SOCS7: variants seen among roughly 807,000 people sequenced by gnomAD.
SOCS7 encodes suppressor of cytokine signaling 7.
Under a neutral mutation model 58.9 loss-of-function variants are expected in SOCS7, and 18 were observed. That is an observed-to-expected ratio of 0.31 (90% CI 0.21 to 0.45). SOCS7 has a LOEUF of 0.45. SOCS7 is among the 20% of genes least tolerant of loss of function. The pLI is 1.00. For missense variants in SOCS7, 667 were observed against 837.3 expected, an observed-to-expected ratio of 0.80 and a Z score of 2.51; for synonymous variants, 388 against 364.3, an observed-to-expected ratio of 1.06 and a Z score of -0.74.
chr17:38,395,867 C>T lies in SOCS7; in HGVS notation c.1837C>T (p.Arg613Ter), dbSNP rs2038238289. Residue 613 changes from arginine (R) to a stop codon, truncating the protein, a stop_gained, in exon 9 of 10, where the codon CGA becomes TGA. Transcript: ENST00000612932. LOFTEE classifies it high-confidence loss of function. ...TCACAGACCTCTGATCTCTTATATC[C>T]GAAAGTTCTACTACTATGATCCTCA... ...PLPKPLISYI[R>*]KFYYYDPQEE... 1 of 1,610,906 alleles carries T rather than the reference C, an allele frequency of 6.2e-7. No individual in the cohort carries two copies.
In SOCS7 at chr17:38,356,004, C is replaced by T. The variant is rs1004682650; in HGVS notation, c.980+2972C>T. On this transcript the variant is annotated intron_variant, in intron 1 of 9. Coordinates refer to ENST00000612932, the MANE Select transcript of SOCS7 (RefSeq NM_014598.4). ...GTTCAAGCGATTCTTCTGCTTCAGC[C>T]TCCCCAGTAGCTGGGATTACAGGGG... Among the ~76,000 whole-genome samples the T allele has an allele frequency of 3.3e-5, 5 of 152,106 alleles. No homozygotes were observed. In the South Asian group the frequency reaches 1.0e-3, roughly 32 times the overall value.
At chr17:38,384,804 G>T (rs2038046918) in intron 7 of SOCS7, among the ~76,000 whole-genome samples, 2 of 150,990 alleles carry the variant, frequency 1.3e-5, no homozygotes, top group African/African-American at 4.9e-5. Flanking sequence ...TGTTGGTCAG[G>T]CTTGTCTTGA....
At chr17:38,353,280 T>C (rs1224040616) in intron 1 of SOCS7, among the ~76,000 whole-genome samples, 1 of 152,190 alleles carries the variant, frequency 6.6e-6, no homozygotes. Context: ...GAAGATGGTT[T>C]CAGACCATCC....
chr17:38,394,259 G>A (rs1163298644), intron 7 of SOCS7, among the ~76,000 whole-genome samples: 1 of 152,178 alleles, frequency 6.6e-6, no homozygotes, highest in Admixed American at 6.5e-5. Flanking sequence ...TCAGCAGGCG[G>A]GTTTGCACTG....
At chr17:38,388,864 A>T (rs2038115099) in intron 7 of SOCS7, among the ~76,000 whole-genome samples, 1 of 152,178 alleles carries the variant, frequency 6.6e-6, no homozygotes, top group African/African-American at 2.4e-5. Flanking sequence ...TCCACTCTGG[A>T]TGTACCACAT....
chr17:38,369,943 C>T (rs1325030511), intron 6 of SOCS7, among the ~76,000 whole-genome samples: 1 of 152,108 alleles, frequency 6.6e-6, no homozygotes, highest in Non-Finnish European at 1.5e-5. Flanking sequence ...GTGCCCGCCA[C>T]TATGCCCAGC....
chr17:38,352,981 C>CGAGCCT lies in SOCS7; in HGVS notation c.932_937dup (p.Ser311_Leu312dup). 6.2e-7 allele frequency: 1 copy of CGAGCCT among 1,606,100 alleles called. No individual in the cohort carries two copies. Among genetic ancestry groups the CGAGCCT allele is most frequent in the Non-Finnish European group, 8.5e-7 (1 of 1,177,966 alleles). ...TCTGGAGAGCTGGCTGCTTCAGCTG[C>CGAGCCT]GAGCCTGACAGACATGGGAGGCTCT... On this transcript the variant is annotated inframe_insertion, in exon 1 of 10. Transcript: ENST00000612932. This position sits in a 1 kb window ranked among gnomAD's most constrained non-coding sequence, Gnocchi z 5.5.
intron 7 of SOCS7, among the ~76,000 whole-genome samples, chr17:38,380,753 G>A (rs902689355): frequency 6.6e-6 from 1 of 152,106 alleles, no homozygotes; most frequent in African/African-American, 2.4e-5. Context: ...CAGCTACCTG[G>A]GAGGCTGAGG....
chr17:38,363,822 A>G (rs778083368), intron 2 of SOCS7, among the ~76,000 whole-genome samples: 25 of 152,194 alleles, frequency 1.6e-4, no homozygotes, highest in Non-Finnish European at 3.4e-4. Flanking sequence ...ATTAAAAAAA[A>G]AGGTGTTGGA....
chr17:38,377,958 A>G, intron 7 of SOCS7, 116 bp downstream of exon 7: 1 of 899,044 alleles, frequency 1.1e-6, no homozygotes, highest in South Asian at 1.7e-5. Context: ...TGGCTGTTGG[A>G]GCCACCACTC....
chr17:38,373,781 C>T (rs906481567), intron 6 of SOCS7, among the ~76,000 whole-genome samples: 8 of 152,190 alleles, frequency 5.3e-5, no homozygotes, highest in East Asian at 3.9e-4. Context: ...CCAGACGCGA[C>T]GTCGCTAATT....
intron 6 of SOCS7, 101 bp downstream of exon 6, chr17:38,368,151 A>G: frequency 2.8e-6 from 3 of 1,062,554 alleles, no homozygotes; most frequent in Non-Finnish European, 4.1e-6. Context: ...GGAACTACAA[A>G]TAGGGGAAAA....
intron 6 of SOCS7, chr17:38,375,963 G>A (rs1416368570): frequency 6.6e-6 from 1 of 151,878 alleles, no homozygotes; most frequent in Non-Finnish European, 1.5e-5. Flanking sequence ...GGGATTACAG[G>A]CATGTACCAC....
chr17:38,394,361 C>G (rs184079051), intron 7 of SOCS7, among the ~76,000 whole-genome samples: 1 of 152,182 alleles, frequency 6.6e-6, no homozygotes, highest in African/African-American at 2.4e-5. Flanking sequence ...ATTTCAGAAG[C>G]AGGAACTGGG....
chr17:38,374,711 C>T (rs770349896), intron 6 of SOCS7, among the ~76,000 whole-genome samples: 1 of 152,148 alleles, frequency 6.6e-6, no homozygotes, highest in Non-Finnish European at 1.5e-5. Flanking sequence ...TCATAGATAC[C>T]ACATCAGAGG....
chr17:38,389,241 T>G (rs943329801), intron 7 of SOCS7, among the ~76,000 whole-genome samples: 3 of 152,260 alleles, frequency 2.0e-5, no homozygotes, highest in Non-Finnish European at 4.4e-5. Context: ...ATTTTATAAT[T>G]GAGCTATTTG....
In SOCS7 at chr17:38,403,587, T is replaced by A. The variant is rs1389956647; in HGVS notation, c.*4105T>A. 6.6e-6 allele frequency: 1 copy of A among 152,064 alleles called. No homozygotes were observed. The highest frequency in any genetic ancestry group is 2.4e-5 in the African/African-American group (1 of 41,350). 9.4% of individuals were successfully genotyped at this position (152,064 alleles called of 1,614,324 possible). A position where few individuals can be genotyped will look rare whatever the true frequency, so the allele number is the denominator to read the frequency against. ...TATGGCTGCTGGAAGGAGGTCTGAG[T>A]CTGTGTGTGTGCATATGCATGCATG... is the stretch of plus-strand genomic sequence containing the variant. On this transcript the variant is annotated 3_prime_UTR_variant, in exon 10 of 10. Coordinates refer to ENST00000612932, the MANE Select transcript of SOCS7 (RefSeq NM_014598.4).
chr17:38,380,669 T>C (rs2037990039), intron 7 of SOCS7, among the ~76,000 whole-genome samples: 1 of 150,592 alleles, frequency 6.6e-6, no homozygotes, highest in Non-Finnish European at 1.5e-5. Flanking sequence ...TAATGATGTG[T>C]CCAACATGGT....
intron 7 of SOCS7, among the ~76,000 whole-genome samples, chr17:38,394,879 G>T (rs879447157): frequency 6.6e-6 from 1 of 152,016 alleles, no homozygotes; most frequent in Admixed American, 6.6e-5. Flanking sequence ...GGGAAACCCC[G>T]TCTCTACTAA....
Sources: gnomAD v4.1 joint callset for allele counts (sites outside exome capture counted in the v4.1 genomes callset) on GRCh38, gnomAD v4.1.1 for gene constraint, Gnocchi (gnomAD v3.1) non-coding constraint, MANE v1.5 for transcripts, NCBI Gene and HGNC (gene_info 2026-07-23, HGNC 2026-07-21) for gene names.